The following ZSWIM4 variants were observed in gnomAD, a reference collection of about 807,000 sequenced individuals.
The protein encoded by ZSWIM4 is zinc finger SWIM domain-containing protein 4.
ZSWIM4 carries 62 observed loss-of-function variants against 102.5 expected under a neutral mutation model. The ratio of observed to expected loss-of-function variants is 0.60; its 90% CI spans 0.49 to 0.75. The LOEUF is 0.75. Among genes scored for constraint, ZSWIM4 ranks in the 30% least tolerant of loss-of-function variants. The pLI is 0.00. For missense variants in ZSWIM4, 1,280 were observed against 1,529.6 expected (o/e 0.84, Z 2.72); for synonymous variants, 652 against 674.5 (o/e 0.97, Z 0.52).
At chr19:13,808,578 A>G (rs893758881) in intron 3 of ZSWIM4, among the ~76,000 whole-genome samples, 1 of 152,132 alleles carries the variant, frequency 6.6e-6, no homozygotes, top group Admixed American at 6.6e-5. Flanking sequence ...TGTACTAAAA[A>G]TACAAAAAAA....
At chr19:13,812,417 C>G (rs1313491872) in intron 5 of ZSWIM4, among the ~76,000 whole-genome samples, 1 of 151,620 alleles carries the variant, frequency 6.6e-6, no homozygotes, top group East Asian at 2.0e-4. Flanking sequence ...CCTCAGCCTC[C>G]CAAGTAGCTA....
intron 2 of ZSWIM4, among the ~76,000 whole-genome samples, chr19:13,801,382 T>C (rs1974767794): frequency 6.6e-6 from 1 of 152,036 alleles, no homozygotes; most frequent in South Asian, 2.1e-4. Flanking sequence ...CAGCTGAGGA[T>C]CAGAGAAGCA....
intron 10 of ZSWIM4, among the ~76,000 whole-genome samples, chr19:13,823,000 A>G (rs1370728019): frequency 6.6e-6 from 1 of 151,878 alleles, no homozygotes; most frequent in African/African-American, 2.4e-5. Flanking sequence ...AAAAGAAAGA[A>G]AAAAGCCAGG....
chr19:13,817,804 G>T lies in ZSWIM4; in HGVS notation c.1752G>T (p.Ala584=), dbSNP rs150672021. Residue 584 remains alanine (A), a synonymous_variant, in exon 9 of 14, where the codon GCG becomes GCT. Coordinates refer to ENST00000590508, the MANE Select transcript of ZSWIM4 (RefSeq NM_001367834.3). ...GSPGESYLVL[A]LEVALLGLGQ... is the part of the protein sequence containing the mutation. ...CTGGGGAGTCCTACTTGGTGCTGGC[G>T]CTGGAGGTGGCACTGCTGGGGCTGG... is the stretch of plus-strand genomic sequence containing the variant. 35 of 1,586,720 alleles carry T rather than the reference G, an allele frequency of 2.2e-5. No individual in the cohort carries two copies. Among genetic ancestry groups the T allele is most frequent in the Non-Finnish European group, 3.0e-5 (35 of 1,167,970 alleles).
chr19:13,812,063 A>AG (rs113057620), intron 5 of ZSWIM4, among the ~76,000 whole-genome samples: 2,788 of 152,222 alleles, frequency 0.018, 87 homozygotes, highest in African/African-American at 0.064. Context: ...TGACAGAGTG[A>AG]GACTCTGTCT....
chr19:13,795,889 C>G (rs535386945), intron 1 of ZSWIM4, 88 bp downstream of exon 1: 1 of 902,944 alleles, frequency 1.1e-6, no homozygotes, highest in Non-Finnish European at 1.4e-6. Context: ...CCCCAGACTC[C>G]AGAGCTAACC....
At position 13,809,031 on chromosome 19, in the gene ZSWIM4, A is replaced by G; in HGVS notation, c.862-39A>G. ...CGCGGGGTGCAGAAGGCCCCGGCGG[A>G]CGCCCCAGCCCTTCCTCACCACCCT... On this transcript the variant is annotated intron_variant, in intron 4 of 13. Coordinates refer to ENST00000590508, the MANE Select transcript of ZSWIM4 (RefSeq NM_001367834.3). The surrounding 1 kb of genome is among the most constrained non-coding windows in gnomAD (Gnocchi z 4.2). 1 of 1,606,320 alleles carries G rather than the reference A, an allele frequency of 6.2e-7. No homozygotes were observed. Among genetic ancestry groups the G allele is most frequent in the Non-Finnish European group, 8.5e-7 (1 of 1,174,504 alleles).
chr19:13,821,559 C>G (rs1035258297), intron 10 of ZSWIM4, among the ~76,000 whole-genome samples: 1 of 151,826 alleles, frequency 6.6e-6, no homozygotes, highest in African/African-American at 2.4e-5. Context: ...TTTTTTTTGT[C>G]CTTTTAGAGA....
chr19:13,804,049 A>G (rs1156398798), intron 2 of ZSWIM4, among the ~76,000 whole-genome samples: 4 of 150,834 alleles, frequency 2.7e-5, no homozygotes, highest in Non-Finnish European at 5.9e-5. Context: ...TTTTTAGTAG[A>G]GACAGGGTTT....
intron 5 of ZSWIM4, among the ~76,000 whole-genome samples, chr19:13,810,996 C>G (rs1975071383): frequency 6.8e-6 from 1 of 146,838 alleles, no homozygotes; most frequent in Admixed American, 7.0e-5. Flanking sequence ...TCACTGCAAG[C>G]TCCGCCCCCC....
intron 12 of ZSWIM4, among the ~76,000 whole-genome samples, chr19:13,828,093 C>A (rs138475262): frequency 2.6e-5 from 4 of 152,240 alleles, no homozygotes; most frequent in East Asian, 3.9e-4. Context: ...GAAAGCTTCA[C>A]CTACGCAATT....
At position 13,830,508 on chromosome 19, in the gene ZSWIM4, C is replaced by G; in HGVS notation, c.2779C>G (p.Arg927Gly). ...LGHAHLFTVA[R>G]YMEHRGLPLR... ...CCACGCCCACCTCTTCACTGTGGCC[C>G]GCTATATGGAGCACCGCGGGCTGCC... is the stretch of plus-strand genomic sequence containing the variant. The change falls in exon 14 of 14, where the codon CGC becomes GGC. Residue 927 changes from arginine (R) to glycine (G), a missense_variant. By Grantham distance (125) the Arg-to-Gly change is moderately radical. Transcript: ENST00000590508. The G allele has an allele frequency of 6.2e-7, 1 of 1,600,228 alleles. No individual in the cohort carries two copies. The highest frequency in any genetic ancestry group is 8.5e-7 in the Non-Finnish European group (1 of 1,179,452).
chr19:13,820,425 G>A (rs148429429), intron 10 of ZSWIM4, among the ~76,000 whole-genome samples: 15 of 152,172 alleles, frequency 9.9e-5, no homozygotes, highest in Non-Finnish European at 1.6e-4. Flanking sequence ...TTGTAGAGAC[G>A]GGGTTTCACC....
intron 10 of ZSWIM4, among the ~76,000 whole-genome samples, chr19:13,821,723 ATT>A (rs61364408): frequency 5.4e-5 from 8 of 147,498 alleles, no homozygotes; most frequent in African/African-American, 9.9e-5. Flanking sequence ...CTAGTTTTAA[ATT>A]TTTTTTTTTT....
At chr19:13,813,273 C>T in intron 6 of ZSWIM4, 109 bp downstream of exon 6, 4 of 895,396 alleles carry the variant, frequency 4.5e-6, no homozygotes, top group Non-Finnish European at 5.0e-6. Flanking sequence ...TGGGGCAGAG[C>T]AAAGCAGACC....
intron 3 of ZSWIM4, among the ~76,000 whole-genome samples, chr19:13,805,589 GC>G (rs1275174336): frequency 2.0e-5 from 3 of 152,074 alleles, no homozygotes; most frequent in East Asian, 3.9e-4. Context: ...GCTCCGAGGG[GC>G]TTGGGTTGCC....
chr19:13,795,618 C>T lies in ZSWIM4; in HGVS notation c.-31C>T, dbSNP rs1282958191. 9 of 370,926 alleles carry T rather than the reference C, an allele frequency of 2.4e-5. No individual in the cohort carries two copies. Among genetic ancestry groups the T allele is most frequent in the Non-Finnish European group, 3.8e-5 (9 of 236,804 alleles). 23.0% of individuals were successfully genotyped at this position (370,926 alleles called of 1,614,324 possible). ...ATCGGACCGAGCCCCCCAAAGAGGC[C>T]CCGCCCCGGCCCTGGCCCCGGCCGG... On this transcript the variant is annotated 5_prime_UTR_variant, in exon 1 of 14. Transcript: ENST00000590508.
At position 13,825,665 on chromosome 19, in the gene ZSWIM4, C is replaced by G. The variant is rs933710475; in HGVS notation, c.2331C>G (p.Ala777=). Residue 777 remains alanine, a synonymous_variant, in exon 12 of 14, where the codon GCC becomes GCG. Coordinates refer to ENST00000590508, the MANE Select transcript of ZSWIM4 (RefSeq NM_001367834.3). The surrounding 1 kb of genome is among the most constrained non-coding windows in gnomAD (Gnocchi z 4.6). ...DACKTATPVS[A]PPDTTLLGIA... ...GCAAGACAGCCACCCCGGTCAGCGCCCCACCAGACACCACGCTGCTGGGCA... is the reference window on the plus strand; with the variant it reads ...GCAAGACAGCCACCCCGGTCAGCGCGCCACCAGACACCACGCTGCTGGGCA... 2.5e-6 allele frequency: 4 copies of G among 1,613,186 alleles called. No individual in the cohort carries two copies. Among genetic ancestry groups the G allele is most frequent in the Non-Finnish European group, 3.4e-6 (4 of 1,180,024 alleles).
intron 10 of ZSWIM4, among the ~76,000 whole-genome samples, chr19:13,822,149 AACACACACACACATACACACACACAC>A (rs1975481561): frequency 8.8e-6 from 1 of 113,204 alleles, no homozygotes; most frequent in South Asian, 3.0e-4. Context: ...AAAACACACA[AACACACACACACATACACACACACAC>A]ACACACACAC....
Sources: allele counts gnomAD v4.1 joint callset (sites outside exome capture counted in the v4.1 genomes callset), GRCh38; gene constraint gnomAD v4.1.1; non-coding constraint Gnocchi (gnomAD v3.1); transcripts MANE v1.5; gene names NCBI Gene and HGNC (gene_info 2026-07-23, HGNC 2026-07-21).